Variants in GDPD2 observed in about 807,000 individuals in gnomAD.
GDPD2 encodes glycerophosphodiester phosphodiesterase 3.
GDPD2 carries 23 observed loss-of-function variants against 49.2 expected under a neutral mutation model. The observed-to-expected ratio is 0.47, with a 90% CI of 0.34 to 0.66. The LOEUF (loss-of-function observed/expected upper bound fraction) is 0.66. GDPD2 is among the 30% of genes least tolerant of loss of function. The probability of loss-of-function intolerance (pLI) is 0.01; values close to 1 mark genes in which losing one functional copy is unlikely to be tolerated. For missense variants in GDPD2, 338 were observed against 424.7 expected (o/e 0.80, Z 1.79); for synonymous variants, 167 against 171.4 (o/e 0.97, Z 0.20).
intron 12 of GDPD2, 22 bp from the exon 13 acceptor site, chrX:70,432,285 A>G (rs759322487): frequency 5.0e-6 from 6 of 1,191,841 alleles, no homozygotes; most frequent in African/African-American, 1.8e-5. Flanking sequence ...GACATTCCCT[A>G]TTTTCTTTCC....
At position 70,433,108 on chromosome X, in the gene GDPD2, C is replaced by T. The variant is rs760670314; in HGVS notation, c.*22C>T. On this transcript the variant is annotated 3_prime_UTR_variant, in exon 16 of 16. Transcript: ENST00000374382. The stretch of plus-strand genomic sequence containing the variant: ...GTGAATGCCCTGCCCTGCTTCCCCA[C>T]CCAAGCCAGTCTACATTGCCCAAAC... The T allele has an allele frequency of 1.6e-4, 177 of 1,141,378 alleles. No homozygotes were observed. In the South Asian group the frequency reaches 3.1e-3, roughly 20 times the overall value. The allele number at this position is 1,141,378 out of a possible 1,213,427, so 94.1% of individuals were successfully genotyped here. A position where few individuals can be genotyped will look rare whatever the true frequency, so the allele number is the denominator to read the frequency against.
At chrX:70,426,199 C>G in intron 5 of GDPD2, 88 bp downstream of exon 5, 2 of 888,695 alleles carry the variant, frequency 2.3e-6, no homozygotes, top group South Asian at 2.1e-5. Context: ...CTTTTATACC[C>G]CCGGGGGGTC....
At chrX:70,427,044 G>GGGGT in intron 8 of GDPD2, 33 bp downstream of exon 8, 1 of 1,147,187 alleles carries the variant, frequency 8.7e-7, no homozygotes. Flanking sequence ...GGAGGGTGGG[G>GGGGT]AGGGTCTGCT....
chrX:70,426,355 A>T lies in GDPD2; in HGVS notation c.364-16A>T. ...CCAAATTGACCAAGAGGCCTCATTCATCCCTGGCCCCCCAGGTGCTGCTGC... is the reference window on the plus strand; with the variant it reads ...CCAAATTGACCAAGAGGCCTCATTCTTCCCTGGCCCCCCAGGTGCTGCTGC... On this transcript the variant is annotated splice_polypyrimidine_tract_variant and intron_variant, in intron 5 of 15. Transcript: ENST00000374382. 8.3e-7 allele frequency: 1 copy of T among 1,204,529 alleles called. No individual in the cohort carries two copies. Among genetic ancestry groups the T allele is most frequent in the Non-Finnish European group, 1.1e-6 (1 of 889,498 alleles).
intron 10 of GDPD2, among the ~76,000 whole-genome samples, chrX:70,428,495 ACTCT>A (rs758306346): frequency 1.0e-4 from 11 of 108,141 alleles, no homozygotes; most frequent in East Asian, 2.9e-4. Flanking sequence ...GCATACACAA[ACTCT>A]CTCTCTCTCT....
Position 70,429,948 on chromosome X carries a change from G to A in GDPD2, c.1192G>A (p.Val398Ile), listed in dbSNP as rs755952635. ...GCTACCAGATGAAGATCGGGCTAAT[G>A]TCCAACGACGGGCACCTGGAATGCG... ...FWLPDEDRAN[V>I]QRRAPGMRQI... is the part of the protein sequence containing the mutation. Residue 398 changes from valine (V) to isoleucine (I), a missense_variant, in exon 12 of 16, where the codon GTC (valine) becomes ATC (isoleucine). Physicochemically the swap from Val to Ile is conservative, Grantham distance 29. Coordinates refer to ENST00000374382, the MANE Select transcript of GDPD2 (RefSeq NM_017711.4). The A allele has an allele frequency of 5.0e-6, 6 of 1,210,755 alleles. No individual in the cohort carries two copies. The highest frequency in any genetic ancestry group is 5.6e-6 in the Non-Finnish European group (5 of 894,434).
rs1273608591 is a variant in GDPD2, at chrX:70,432,950, T to C, written c.1567+10T>C. Reference sequence around the variant, plus strand: ...AAGAGAGGGAAAACTGGTAAGAACTTTCTCCCCTCACCTCATGTTTCTCCT... The same window carrying C: ...AAGAGAGGGAAAACTGGTAAGAACTCTCTCCCCTCACCTCATGTTTCTCCT... On this transcript the variant is annotated intron_variant, in intron 15 of 15. Transcript: ENST00000374382. 1 of 1,185,502 alleles carries C rather than the reference T, an allele frequency of 8.4e-7. No individual in the cohort carries two copies. Among genetic ancestry groups the C allele is most frequent in the Non-Finnish European group, 1.1e-6 (1 of 873,467 alleles).
At position 70,429,651 on chromosome X, in the gene GDPD2, C is replaced by T; in HGVS notation, c.1095C>T (p.Tyr365=). Residue 365 remains tyrosine (Y), a synonymous_variant, in exon 11 of 16, where the codon TAC becomes TAT. Transcript: ENST00000374382. ...GCCGACCCCCACAGAACCACACATACTATGACACTTTTGTGATCCAGACAT... is the reference window on the plus strand; with the variant it reads ...GCCGACCCCCACAGAACCACACATATTATGACACTTTTGTGATCCAGACAT... ...DLRRPPQNHT[Y]YDTFVIQTLE... 4.1e-6 allele frequency: 5 copies of T among 1,210,607 alleles called. No homozygotes were observed. Among genetic ancestry groups the T allele is most frequent in the Non-Finnish European group, 4.5e-6 (4 of 894,656 alleles).
intron 2 of GDPD2, 38 bp downstream of exon 2, chrX:70,425,127 A>C (rs1347545411): frequency 1.0e-6 from 1 of 997,197 alleles, no homozygotes; most frequent in South Asian, 2.1e-5. Context: ...GGAAGTCAGA[A>C]GGCAGAGGCT....
At chrX:70,428,548 T>C (rs1569260609) in intron 10 of GDPD2, among the ~76,000 whole-genome samples, 1 of 112,241 alleles carries the variant, frequency 8.9e-6, no homozygotes, top group Non-Finnish European at 1.9e-5. Flanking sequence ...ACAGACTCTT[T>C]TGCAATTTGC....
At chrX:70,432,704 C>CA in intron 14 of GDPD2, 43 bp downstream of exon 14, 1 of 994,901 alleles carries the variant, frequency 1.0e-6, no homozygotes, top group South Asian at 1.9e-5. Flanking sequence ...TTACTTTCTC[C>CA]AGGGCCCTGG....
Position 70,429,506 on chromosome X carries a change from G to T in GDPD2, c.950G>T (p.Trp317Leu), listed in dbSNP as rs1569260890. The T allele has an allele frequency of 3.3e-6, 4 of 1,198,694 alleles. No individual in the cohort carries two copies. Among genetic ancestry groups the T allele is most frequent in the Non-Finnish European group, 4.5e-6 (4 of 884,181 alleles). Residue 317 changes from tryptophan (W) to leucine (L), a missense_variant, in exon 11 of 16, where the codon TGG becomes TTG. By Grantham distance (61) the Trp-to-Leu change is moderately conservative (BLOSUM62 -2). Transcript: ENST00000374382. ...GSWFLERRPF[W>L]GAKPLAGPDQ... Reference sequence around the variant, plus strand: ...TCTTTCTTATAGAGGCGACCCTTCTGGGGGGCCAAACCGCTGGCAGGCCCT... The same window carrying T: ...TCTTTCTTATAGAGGCGACCCTTCTTGGGGGCCAAACCGCTGGCAGGCCCT...
Position 70,426,628 on chromosome X carries a change from T to A in GDPD2, c.463-20T>A, listed in dbSNP as rs1468088429. 1 of 1,167,754 alleles carries A rather than the reference T, an allele frequency of 8.6e-7. No homozygotes were observed. Among genetic ancestry groups the A allele is most frequent in the Non-Finnish European group, 1.2e-6 (1 of 858,593 alleles). The stretch of plus-strand genomic sequence containing the variant: ...GAGGGGCACTGGAGAAGAGCCCACC[T>A]CACCAGCTCTTGTCCACAGGCCACA... On this transcript the variant is annotated intron_variant, in intron 6 of 15. Coordinates refer to ENST00000374382, the MANE Select transcript of GDPD2 (RefSeq NM_017711.4).
chrX:70,425,526 G>T, intron 3 of GDPD2, 69 bp downstream of exon 3: 2 of 727,666 alleles, frequency 2.7e-6, no homozygotes, highest in Non-Finnish European at 4.4e-6. Flanking sequence ...GGACCCGGGG[G>T]TGGCCCACTG....
At chrX:70,428,980 C>T (rs6625610) in intron 10 of GDPD2, among the ~76,000 whole-genome samples, 2 of 111,644 alleles carry the variant, frequency 1.8e-5, no homozygotes, top group Admixed American at 9.5e-5. Context: ...GCGCTGAGAG[C>T]GAAAAATAAG....
Position 70,424,891 on chromosome X carries a change from C to T in GDPD2, c.-9-85C>T, listed in dbSNP as rs1389969967. 6.7e-6 allele frequency: 4 copies of T among 600,386 alleles called. No individual in the cohort carries two copies. In the African/African-American group the frequency reaches 6.8e-5, roughly 10 times the overall value. 49.5% of individuals were successfully genotyped at this position (600,386 alleles called of 1,213,427 possible). ...GCAGCGGCCCAGGCCTCTGCCTCTC[C>T]CCCGGGCTCCTCAGATACACTAGGA... is the stretch of plus-strand genomic sequence containing the variant. On this transcript the variant is annotated intron_variant, in intron 1 of 15. Coordinates refer to ENST00000374382, the MANE Select transcript of GDPD2 (RefSeq NM_017711.4).
intron 5 of GDPD2, 57 bp from the exon 6 acceptor site, chrX:70,426,314 C>A: frequency 9.6e-7 from 1 of 1,037,879 alleles, no homozygotes; most frequent in Non-Finnish European, 1.3e-6. Flanking sequence ...GAAGGAGCAG[C>A]TCACCAACCA....
chrX:70,431,124 T>C (rs1206737529), intron 12 of GDPD2: 1 of 1,144,879 alleles, frequency 8.7e-7, no homozygotes, highest in Admixed American at 2.6e-5. Flanking sequence ...CTCACCTAGC[T>C]ATGTAAGTAT....
intron 6 of GDPD2, 26 bp downstream of exon 6, chrX:70,426,495 G>A (rs1316515353): frequency 1.7e-6 from 2 of 1,160,770 alleles, no homozygotes; most frequent in South Asian, 3.6e-5. Context: ...CCAGTGTCTA[G>A]ACGGGAGCCT....
Sources: gnomAD v4.1 joint callset for allele counts (sites outside exome capture counted in the v4.1 genomes callset) on GRCh38, gnomAD v4.1.1 for gene constraint, MANE v1.5 for transcripts, NCBI Gene and HGNC (gene_info 2026-07-23, HGNC 2026-07-21) for gene names.